The following ELAVL2 variants were observed in gnomAD, a reference collection of about 807,000 sequenced individuals.
ELAVL2 encodes ELAV like RNA binding protein 2.
A neutral mutation model predicts 34.6 loss-of-function variants in ELAVL2; 4 were observed. That is an observed-to-expected ratio of 0.12 (90% confidence interval 0.06 to 0.26). The LOEUF is 0.26. Among genes scored for constraint, ELAVL2 ranks in the 10% least tolerant of loss-of-function variants. The pLI is 1.00. For missense variants in ELAVL2, 432 were observed against 442.8 expected, an observed-to-expected ratio of 0.98 and a Z score of 0.22; for synonymous variants, 193 against 154.8, an observed-to-expected ratio of 1.25 and a Z score of -1.83.
chr9:23,711,520 G>C (rs1437352045), intron 3 of ELAVL2, among the ~76,000 whole-genome samples: 2 of 152,240 alleles, frequency 1.3e-5, no homozygotes, highest in Non-Finnish European at 2.9e-5. Context: ...AGTATTCCAA[G>C]CTTCCTGCTC....
intron 1 of ELAVL2, among the ~76,000 whole-genome samples, chr9:23,791,936 C>T (rs572736412): frequency 1.3e-5 from 2 of 152,200 alleles, no homozygotes; most frequent in Non-Finnish European, 2.9e-5. Flanking sequence ...CTTTTCCTCT[C>T]ATTGCTGCCA....
intron 3 of ELAVL2, among the ~76,000 whole-genome samples, chr9:23,717,286 G>A (rs1171209592): frequency 1.3e-5 from 2 of 152,090 alleles, no homozygotes; most frequent in Admixed American, 6.5e-5. Flanking sequence ...ATACTTAAAT[G>A]AGTCCCATGG....
chr9:23,786,529 A>T (rs2059698400), intron 1 of ELAVL2, among the ~76,000 whole-genome samples: 1 of 152,176 alleles, frequency 6.6e-6, no homozygotes, highest in Non-Finnish European at 1.5e-5. Flanking sequence ...AATGCAGCTC[A>T]ATAAAAATGT....
chr9:23,695,517 C>T (rs1277843072), intron 5 of ELAVL2, among the ~76,000 whole-genome samples: 2 of 152,070 alleles, frequency 1.3e-5, no homozygotes, highest in South Asian at 2.1e-4. Flanking sequence ...CCTTTTTTAA[C>T]AATGGGGATA....
intron 1 of ELAVL2, among the ~76,000 whole-genome samples, chr9:23,784,336 G>A (rs2059431044): frequency 6.6e-6 from 1 of 152,096 alleles, no homozygotes; most frequent in Non-Finnish European, 1.5e-5. Context: ...ATGCCATGAA[G>A]GAAAAAAGGA....
At chr9:23,842,545 A>T in the ELAVL2 span, among the ~76,000 whole-genome samples, 3 of 152,166 alleles carry the variant, frequency 2.0e-5, no homozygotes, top group East Asian at 5.8e-4. Context: ...TCCTTTTAGA[A>T]TTTATCAATA....
chr9:23,783,859 C>T (rs1196601238), intron 1 of ELAVL2, among the ~76,000 whole-genome samples: 1 of 152,022 alleles, frequency 6.6e-6, no homozygotes, highest in Non-Finnish European at 1.5e-5. Flanking sequence ...GTCATAGGTT[C>T]AAATAAAGGG....
At chr9:23,820,000 C>T (rs532586028) in intron 1 of ELAVL2, among the ~76,000 whole-genome samples, 1 of 152,256 alleles carries the variant, frequency 6.6e-6, no homozygotes, top group African/African-American at 2.4e-5. Flanking sequence ...TTCGGGTCCA[C>T]TCAGCAATAC....
At chr9:23,838,678 G>A in the ELAVL2 span, among the ~76,000 whole-genome samples, 4 of 151,762 alleles carry the variant, frequency 2.6e-5, no homozygotes, top group Non-Finnish European at 1.5e-5. Context: ...TCTTCTTTTC[G>A]ATGAATTAAT....
intron 2 of ELAVL2, among the ~76,000 whole-genome samples, chr9:23,732,905 T>C (rs2046931873): frequency 6.6e-6 from 1 of 151,712 alleles, no homozygotes; most frequent in Non-Finnish European, 1.5e-5. Flanking sequence ...AAAGATAACA[T>C]GAGAAAAAAT....
chr9:23,804,173 A>ATTT (rs200046594), intron 1 of ELAVL2, among the ~76,000 whole-genome samples: 1 of 148,464 alleles, frequency 6.7e-6, no homozygotes. Flanking sequence ...TTATTTATTT[A>ATTT]TTTATTTATT....
chr9:23,838,537 T>C, the ELAVL2 span, among the ~76,000 whole-genome samples: 2 of 152,184 alleles, frequency 1.3e-5, no homozygotes, highest in Non-Finnish European at 1.5e-5. Context: ...GAAATTGCTC[T>C]ACCATTTTTT....
At chr9:23,700,139 A>G (rs1296077572) in intron 5 of ELAVL2, among the ~76,000 whole-genome samples, 2 of 152,200 alleles carry the variant, frequency 1.3e-5, no homozygotes, top group South Asian at 4.1e-4. Context: ...TTATTAGGTT[A>G]TATTTGTGAT....
intron 1 of ELAVL2, among the ~76,000 whole-genome samples, chr9:23,763,915 G>A (rs962550857): frequency 6.6e-6 from 1 of 152,058 alleles, no homozygotes; most frequent in Non-Finnish European, 1.5e-5. Context: ...AGTTTTCTCA[G>A]GGAATACTTA....
At position 23,701,454 on chromosome 9, in the gene ELAVL2, G is replaced by C. The variant is rs1227617741; in HGVS notation, c.638C>G (p.Ala213Gly). The C allele has an allele frequency of 6.2e-7, 1 of 1,614,134 alleles. No homozygotes were observed. Among genetic ancestry groups the C allele is most frequent in the South Asian group, 1.1e-5 (1 of 91,082 alleles). Residue 213 changes from alanine to glycine, a missense_variant, in exon 5 of 7, where the codon GCC (alanine) becomes GGC (glycine). By Grantham distance (60) the Ala-to-Gly change is moderately conservative (BLOSUM62 0). Coordinates refer to ENST00000397312, the MANE Select transcript of ELAVL2 (RefSeq NM_004432.5). ...AGACTGGTACAGCTGGGAAAGGATG[G>C]CCTGATTGGTTTTTTGGCTTGGGTT... ...ANNPSQKTNQ[A>G]ILSQLYQSPN...
chr9:23,709,397 A>T (rs181663671), intron 3 of ELAVL2, among the ~76,000 whole-genome samples: 93 of 152,210 alleles, frequency 6.1e-4, no homozygotes, highest in African/African-American at 2.2e-3. Context: ...AGATCAAATC[A>T]GTTACCAAAC....
intron 3 of ELAVL2, among the ~76,000 whole-genome samples, chr9:23,725,489 T>C (rs940951288): frequency 6.6e-6 from 1 of 152,212 alleles, no homozygotes. Flanking sequence ...GGCAAGCCCT[T>C]AGCGTAGCTT....
rs766306997 is a variant in ELAVL2 at position 23,717,748 on chromosome 9, C to A, written c.334-12677G>T. ...AAATAATGGTCATATAAACTAAGTG[C>A]TGTCTCCCTTACTACACAATGACAT... On this transcript the variant is annotated intron_variant, in intron 3 of 6. Coordinates refer to ENST00000397312, the MANE Select transcript of ELAVL2 (RefSeq NM_004432.5). Among the ~76,000 whole-genome samples the A allele has an allele frequency of 1.5e-3, 228 of 152,278 alleles. 1 individual carries two copies. Among genetic ancestry groups the A allele is most frequent in the Non-Finnish European group, 2.8e-3 (192 of 68,010 alleles).
chr9:23,703,154 T>C (rs11790555), intron 4 of ELAVL2, among the ~76,000 whole-genome samples: 28,187 of 151,876 alleles, frequency 0.19, 2,981 homozygotes, highest in South Asian at 0.37. Context: ...GTGCGGGACA[T>C]ACTTGAGAAC....
Sources: allele counts gnomAD v4.1 joint callset (sites outside exome capture counted in the v4.1 genomes callset), GRCh38; gene constraint gnomAD v4.1.1; transcripts MANE v1.5; gene names NCBI Gene and HGNC (gene_info 2026-07-23, HGNC 2026-07-21).